Variants in TMEM50B observed in about 807,000 individuals in gnomAD.
The protein encoded by TMEM50B is transmembrane protein 50B.
TMEM50B carries 14 observed loss-of-function variants against 23.4 expected under a neutral mutation model. The observed-to-expected ratio is 0.60, with a 90% confidence interval of 0.39 to 0.93. The LOEUF (loss-of-function observed/expected upper bound fraction) is 0.93, where lower values mean the gene tolerates loss of function less well. Ranked by LOEUF, TMEM50B falls within the 40% of genes least tolerant of loss-of-function variation. The pLI is 0.00. For synonymous variants in TMEM50B, 64 were observed against 62.3 expected (o/e 1.03, Z -0.13); for missense variants, 159 against 193.0 (o/e 0.82, Z 1.04).
intron 4 of TMEM50B, among the ~76,000 whole-genome samples, chr21:33,461,956 AAG>A (rs1190891486): frequency 1.3e-5 from 2 of 152,118 alleles, no homozygotes. Context: ...AAAAAAGAAA[AAG>A]AAGTATGCTT....
downstream of TMEM50B, among the ~76,000 whole-genome samples, chr21:33,444,928 C>T (rs189019009): frequency 1.3e-4 from 20 of 151,436 alleles, no homozygotes; most frequent in East Asian, 3.7e-3. Flanking sequence ...CCCAGGAGTT[C>T]GAGACCAGCC....
At chr21:33,437,885 A>G (rs1002736338) in intron 8 of TMEM50B, among the ~76,000 whole-genome samples, 3 of 151,750 alleles carry the variant, frequency 2.0e-5, no homozygotes, top group Non-Finnish European at 2.9e-5. Flanking sequence ...TTGAGAGGCT[A>G]AAGTGGGAGG....
chr21:33,433,026 C>G (rs557489662), intron 8 of TMEM50B, among the ~76,000 whole-genome samples: 65 of 152,194 alleles, frequency 4.3e-4, no homozygotes, highest in East Asian at 1.2e-3. Flanking sequence ...GCTGGTATTA[C>G]AAGTGCTCAC....
At chr21:33,446,456 C>T (rs1198840195), downstream of TMEM50B, among the ~76,000 whole-genome samples, 1 of 150,646 alleles carries the variant, frequency 6.6e-6, no homozygotes. Flanking sequence ...AGGCTGATCT[C>T]GAACTCCTGA....
intron 1 of TMEM50B, chr21:33,479,091 G>T: frequency 1.0e-5 from 3 of 289,270 alleles, no homozygotes; most frequent in South Asian, 8.8e-5. Context: ...CTTTGGTTTT[G>T]AAAGGTCACG....
intron 6 of TMEM50B, among the ~76,000 whole-genome samples, chr21:33,454,038 G>A (rs2084146518): frequency 6.7e-6 from 1 of 148,814 alleles, no homozygotes; most frequent in African/African-American, 2.5e-5. Flanking sequence ...GGGAGGCAGA[G>A]GTTGCATTGA....
intron 4 of TMEM50B, 69 bp from the exon 5 acceptor site, chr21:33,460,574 T>C (rs1385586452): frequency 2.4e-6 from 2 of 844,666 alleles, no homozygotes; most frequent in South Asian, 1.7e-5. Flanking sequence ...GAATACATAA[T>C]ACTAGGAGCC....
chr21:33,476,760 C>CAAAAAA (rs10645412), intron 1 of TMEM50B, among the ~76,000 whole-genome samples: 6 of 68,408 alleles, frequency 8.8e-5, no homozygotes, highest in South Asian at 6.5e-4. Flanking sequence ...GACTCCATCT[C>CAAAAAA]AAAAAAAAAA....
intron 1 of TMEM50B, among the ~76,000 whole-genome samples, chr21:33,477,945 C>A (rs974008732): frequency 5.3e-5 from 8 of 151,524 alleles, no homozygotes; most frequent in Admixed American, 2.0e-4. Context: ...ACCATCCTGG[C>A]TAACACGGTG....
intron 1 of TMEM50B, among the ~76,000 whole-genome samples, chr21:33,470,949 C>G (rs1246723050): frequency 6.6e-6 from 1 of 152,080 alleles, no homozygotes; most frequent in Non-Finnish European, 1.5e-5. Flanking sequence ...TTAGGAACCC[C>G]ATTAAACTCC....
At chr21:33,451,325 G>C (rs1192322254) in intron 6 of TMEM50B, among the ~76,000 whole-genome samples, 1 of 152,156 alleles carries the variant, frequency 6.6e-6, no homozygotes, top group Non-Finnish European at 1.5e-5. Flanking sequence ...ACTGAAAAGT[G>C]GCTACGTACC....
intron 6 of TMEM50B, among the ~76,000 whole-genome samples, chr21:33,454,564 G>A (rs1372278646): frequency 2.0e-5 from 3 of 152,014 alleles, no homozygotes; most frequent in Non-Finnish European, 2.9e-5. Flanking sequence ...GCCTCCCAAA[G>A]TGCTGGGATT....
intron 1 of TMEM50B, among the ~76,000 whole-genome samples, chr21:33,472,790 T>C (rs1193213015): frequency 1.3e-5 from 2 of 151,974 alleles, no homozygotes; most frequent in African/African-American, 4.8e-5. Context: ...GAGGATCACT[T>C]GAACCTGGGA....
intron 6 of TMEM50B, among the ~76,000 whole-genome samples, chr21:33,455,375 A>T (rs1479516365): frequency 6.6e-6 from 1 of 151,860 alleles, no homozygotes; most frequent in Non-Finnish European, 1.5e-5. Flanking sequence ...TTATAGAGAC[A>T]GGGTTTTGCC....
chr21:33,467,580 C>T (rs2084275787), intron 2 of TMEM50B, among the ~76,000 whole-genome samples: 1 of 151,816 alleles, frequency 6.6e-6, no homozygotes, highest in African/African-American at 2.4e-5. Flanking sequence ...GCTGAGATCA[C>T]GCCACTGCAC....
At chr21:33,463,017 C>A (rs1188762900) in intron 4 of TMEM50B, among the ~76,000 whole-genome samples, 1 of 152,238 alleles carries the variant, frequency 6.6e-6, no homozygotes. Context: ...GAAGGCTGGG[C>A]ATGGTGGTTC....
Position 33,456,040 on chromosome 21 carries a change from G to A in TMEM50B, c.374-256C>T, listed in dbSNP as rs114012161. On this transcript the variant is annotated intron_variant, in intron 5 of 6. Transcript: ENST00000542230. ...TTAGTCAAAGTAATTGCTGGTTCTAGCTACATCAAAACTGCTGAGGAAGCA... is the reference window on the plus strand; with the variant it reads ...TTAGTCAAAGTAATTGCTGGTTCTAACTACATCAAAACTGCTGAGGAAGCA... The A allele has an allele frequency of 1.4e-3, 921 of 668,078 alleles. 5 individuals are homozygous for A. In the African/African-American group the frequency reaches 0.015, roughly 11 times the overall value. The allele number at this position is 668,078 out of a possible 1,614,324, so 41.4% of individuals were successfully genotyped here. A position where few individuals can be genotyped will look rare whatever the true frequency, so the allele number is the denominator to read the frequency against.
chr21:33,459,761 A>G (rs1041964763), intron 5 of TMEM50B, among the ~76,000 whole-genome samples: 12 of 152,042 alleles, frequency 7.9e-5, no homozygotes, highest in Non-Finnish European at 7.4e-5. Flanking sequence ...ATTATCAGAT[A>G]AGGGGTCTAT....
chr21:33,479,101 G>T lies in TMEM50B; in HGVS notation c.-42+737C>A, dbSNP rs374326983. The T allele has an allele frequency of 2.2e-5, 6 of 267,366 alleles. No homozygotes were observed. In the East Asian group the frequency reaches 6.4e-4, roughly 28 times the overall value. 16.6% of individuals were successfully genotyped at this position (267,366 alleles called of 1,614,324 possible). A position where few individuals can be genotyped will look rare whatever the true frequency, so the allele number is the denominator to read the frequency against. ...CACTGCTTTGGTTTTGAAAGGTCAC[G>T]TATTTACCTTAGAATTTCAGCACCT... On this transcript the variant is annotated intron_variant, in intron 1 of 6. Transcript: ENST00000542230.
Sources: allele counts gnomAD v4.1 joint callset (sites outside exome capture counted in the v4.1 genomes callset), GRCh38; gene constraint gnomAD v4.1.1; transcripts MANE v1.5; gene names NCBI Gene and HGNC (gene_info 2026-07-23, HGNC 2026-07-21).